The following CEP128 variants were observed in gnomAD, a reference collection of about 807,000 sequenced individuals.
CEP128 encodes the protein centrosomal protein 128kDa.
In CEP128, 132 loss-of-function variants were observed where a neutral mutation model predicts 156.7. That is an observed-to-expected ratio of 0.84 (90% CI 0.73 to 0.97). The LOEUF is 0.97. Among genes scored for constraint, CEP128 ranks in the 50% least tolerant of loss-of-function variants. The pLI is 0.00. For missense variants in CEP128, 1,252 were observed against 1,281.9 expected, an observed-to-expected ratio of 0.98 and a Z score of 0.36; for synonymous variants, 469 against 448.9, an observed-to-expected ratio of 1.04 and a Z score of -0.57.
chr14:80,646,667 T>A (rs927542177), intron 19 of CEP128, among the ~76,000 whole-genome samples: 3 of 151,872 alleles, frequency 2.0e-5, no homozygotes, highest in Non-Finnish European at 4.4e-5. Flanking sequence ...TTTTAAAAAA[T>A]GTGAGTATCT....
intron 19 of CEP128, among the ~76,000 whole-genome samples, chr14:80,714,494 T>C (rs957524728): frequency 2.0e-5 from 3 of 152,178 alleles, no homozygotes; most frequent in East Asian, 1.9e-4. Flanking sequence ...CATGAGTGCA[T>C]GTATGTGTTT....
chr14:80,895,745 T>C lies in CEP128; in HGVS notation c.618A>G (p.Lys206=). 6.3e-7 allele frequency: 1 copy of C among 1,575,554 alleles called. No homozygotes were observed. Among genetic ancestry groups the C allele is most frequent in the Non-Finnish European group, 8.6e-7 (1 of 1,159,820 alleles). ...TKRALEELTE[K]LNEAQKQEVV... ...CTTCTTGTTTCTGGGCTTCATTAAG[T>C]TTTTCAGTCAATTCTTCCAAAGCCC... Residue 206 remains lysine (K), a synonymous_variant, in exon 8 of 25, where the codon AAA becomes AAG. Transcript: ENST00000555265.
chr14:80,529,083 T>A (rs1889107912), intron 22 of CEP128, among the ~76,000 whole-genome samples: 1 of 152,178 alleles, frequency 6.6e-6, no homozygotes. Flanking sequence ...AGATCCCACC[T>A]CCAGCTAGTT....
intron 13 of CEP128, among the ~76,000 whole-genome samples, chr14:80,801,883 G>T (rs568206640): frequency 7.6e-6 from 1 of 132,242 alleles, no homozygotes; most frequent in Non-Finnish European, 1.6e-5. Context: ...ACTCTAGCCT[G>T]GGTGACAGTG....
intron 13 of CEP128, among the ~76,000 whole-genome samples, chr14:80,805,641 G>A (rs1487208543): frequency 6.6e-6 from 1 of 152,134 alleles, no homozygotes; most frequent in Non-Finnish European, 1.5e-5. Flanking sequence ...AAATTAGTTT[G>A]ACATATGCTT....
At chr14:80,666,142 G>C (rs1895603437) in intron 19 of CEP128, among the ~76,000 whole-genome samples, 1 of 152,140 alleles carries the variant, frequency 6.6e-6, no homozygotes, top group South Asian at 2.1e-4. Flanking sequence ...GCTGCAGAGG[G>C]ATGTTATGTG....
chr14:80,867,695 G>A (rs572625332), intron 8 of CEP128, among the ~76,000 whole-genome samples: 2 of 151,822 alleles, frequency 1.3e-5, no homozygotes, highest in South Asian at 2.1e-4. Flanking sequence ...AAAGAATTAA[G>A]AGAGGCTATG....
At chr14:80,886,723 A>T (rs1336566390) in intron 8 of CEP128, among the ~76,000 whole-genome samples, 1 of 152,222 alleles carries the variant, frequency 6.6e-6, no homozygotes, top group Non-Finnish European at 1.5e-5. Context: ...CGCATTAACT[A>T]ACGGGCAAAA....
intron 19 of CEP128, among the ~76,000 whole-genome samples, chr14:80,639,998 T>C (rs1046058337): frequency 3.5e-4 from 54 of 152,298 alleles, no homozygotes; most frequent in African/African-American, 1.2e-3. Context: ...ATGAAATTTA[T>C]AGTAACCAGA....
At chr14:80,952,418 A>T (rs1886486176) in intron 2 of CEP128, among the ~76,000 whole-genome samples, 1 of 152,184 alleles carries the variant, frequency 6.6e-6, no homozygotes, top group South Asian at 2.1e-4. Context: ...TCAAGGAAGA[A>T]ATCTAAAAGA....
At chr14:80,561,120 A>T (rs1472687560) in intron 20 of CEP128, among the ~76,000 whole-genome samples, 1 of 152,204 alleles carries the variant, frequency 6.6e-6, no homozygotes, top group Non-Finnish European at 1.5e-5. Flanking sequence ...ACTTCTGCAA[A>T]CTAACTTCCA....
intron 19 of CEP128, among the ~76,000 whole-genome samples, chr14:80,695,692 G>A (rs1046730226): frequency 4.6e-5 from 7 of 150,618 alleles, no homozygotes; most frequent in Non-Finnish European, 7.4e-5. Context: ...ACTCCAGCCT[G>A]GGCAACAAGA....
intron 19 of CEP128, among the ~76,000 whole-genome samples, chr14:80,719,664 A>T (rs561386636): frequency 6.6e-5 from 10 of 152,218 alleles, no homozygotes; most frequent in African/African-American, 2.2e-4. Flanking sequence ...TAGAAGAAAG[A>T]GGGGACATAG....
chr14:80,572,653 A>T (rs17110803), intron 20 of CEP128, among the ~76,000 whole-genome samples: 50 of 152,190 alleles, frequency 3.3e-4, no homozygotes, highest in African/African-American at 1.2e-3. Flanking sequence ...AAAAACTCCC[A>T]GATAAACTTA....
chr14:80,701,602 T>C, intron 19 of CEP128, among the ~76,000 whole-genome samples: 1 of 152,166 alleles, frequency 6.6e-6, no homozygotes, highest in East Asian at 1.9e-4. Flanking sequence ...GAAACTAAGC[T>C]TTCTTGGCCC....
chr14:80,516,292 G>A (rs1334836539), intron 23 of CEP128, among the ~76,000 whole-genome samples: 1 of 152,150 alleles, frequency 6.6e-6, no homozygotes, highest in Admixed American at 6.5e-5. Flanking sequence ...AGGGCTTCAG[G>A]ACTCTGCCTG....
intron 18 of CEP128, among the ~76,000 whole-genome samples, chr14:80,755,667 CAT>C (rs566994379): frequency 2.0e-5 from 3 of 152,160 alleles, no homozygotes; most frequent in Non-Finnish European, 4.4e-5. Context: ...TTCTACTTTC[CAT>C]ATAGTTTTTT....
Position 80,784,879 on chromosome 14 carries a change from A to G in CEP128, c.2211+16T>C. The G allele has an allele frequency of 1.9e-6, 3 of 1,576,202 alleles. No homozygotes were observed. The highest frequency in any genetic ancestry group is 2.6e-6 in the Non-Finnish European group (3 of 1,162,498). On this transcript the variant is annotated intron_variant, in intron 15 of 24. Coordinates refer to ENST00000555265, the MANE Select transcript of CEP128 (RefSeq NM_152446.5). ...AAAATTCCTTCAGTATCATCAGGAT[A>G]ATTTAGCAGAGGTACCTTCAGAGTC...
chr14:80,831,218 T>C lies in CEP128; in HGVS notation c.1134A>G (p.Ala378=). ...LRVQLNFSAM[A]SELEEVKRCM... ...ACCGTTTCACTTCCTCTAACTCAGA[T>C]GCCATTGCGCTGAAGTTCAGCTGCA... is the stretch of plus-strand genomic sequence containing the variant. Residue 378 remains alanine (A), a synonymous_variant, in exon 13 of 25, where the codon GCA becomes GCG. Coordinates refer to ENST00000555265, the MANE Select transcript of CEP128 (RefSeq NM_152446.5). The C allele has an allele frequency of 1.1e-5, 18 of 1,613,992 alleles. No homozygotes were observed. The highest frequency in any genetic ancestry group is 1.5e-5 in the Non-Finnish European group (18 of 1,179,862).
Sources: allele counts gnomAD v4.1 joint callset (sites outside exome capture counted in the v4.1 genomes callset), GRCh38; gene constraint gnomAD v4.1.1; transcripts MANE v1.5; gene names NCBI Gene and HGNC (gene_info 2026-07-23, HGNC 2026-07-21).